Variants in ACTL7B observed in about 807,000 individuals in gnomAD.
The protein encoded by ACTL7B is actin like 7B.
In ACTL7B, 14 loss-of-function variants were observed where a neutral mutation model predicts 17.5. The observed-to-expected ratio is 0.80, with a 90% CI of 0.53 to 1.25. The LOEUF is 1.25. ACTL7B is among the 50% of genes most tolerant of loss of function. The pLI is 0.00. For missense variants in ACTL7B, 599 were observed against 573.9 expected, an observed-to-expected ratio of 1.04 and a Z score of -0.45; for synonymous variants, 267 against 252.4, an observed-to-expected ratio of 1.06 and a Z score of -0.55.
rs375788991 is a variant in ACTL7B at position 108,855,606 on chromosome 9, G to A, written c.325C>T (p.Leu109Phe). The change falls in exon 1 of 1, where the codon CTC (leucine) becomes TTC (phenylalanine). Residue 109 changes from leucine (L) to phenylalanine (F), a missense_variant. Leu to Phe is a conservative substitution (Grantham distance 22). Transcript: ENST00000374667. ...GHELLNTEAP[L>F]KLVNPLKHGI... Reference sequence around the variant, plus strand: ...TGCTTCAGCGGGTTCACCAGCTTGAGAGGCGCCTCCGTGTTGAGCAGCTCA... The same window carrying A: ...TGCTTCAGCGGGTTCACCAGCTTGAAAGGCGCCTCCGTGTTGAGCAGCTCA... 70 of 1,613,682 alleles carry A rather than the reference G, an allele frequency of 4.3e-5. 2 individuals are homozygous for A. The South Asian group carries it at 5.7e-4, about 13-fold the overall frequency.
rs759096914 is a variant in ACTL7B at position 108,854,624 on chromosome 9, T to A, written c.*59A>T. 6.5e-6 allele frequency: 9 copies of A among 1,392,668 alleles called. No individual in the cohort carries two copies. The highest frequency in any genetic ancestry group is 7.5e-6 in the Non-Finnish European group (8 of 1,065,414). The allele number at this position is 1,392,668 out of a possible 1,614,324, so 86.3% of individuals were successfully genotyped here. A position where few individuals can be genotyped will look rare whatever the true frequency, so the allele number is the denominator to read the frequency against. On this transcript the variant is annotated 3_prime_UTR_variant, in exon 1 of 1. Transcript: ENST00000374667. ...ACCTTTATGTGAAATTCTGTAAATG[T>A]GTATAGAGAGGCCTGTGGCCATCTG... is the stretch of plus-strand genomic sequence containing the variant.
Position 108,855,154 on chromosome 9 carries a change from G to T in ACTL7B, c.777C>A (p.Cys259Ter). 6.2e-7 allele frequency: 1 copy of T among 1,611,058 alleles called. No individual in the cohort carries two copies. Reference protein sequence around the residue: ...LHIIEHIKKKCCYAAFLPEEE... With the variant: ...LHIIEHIKKK ...CCTCGGGCAGGAAGGCCGCATAGCAGCACTTCTTCTTGATGTGCTCTATGA... is the reference window on the plus strand; with the variant it reads ...CCTCGGGCAGGAAGGCCGCATAGCATCACTTCTTCTTGATGTGCTCTATGA... The change falls in exon 1 of 1, where the codon TGC becomes TGA. Residue 259 changes from cysteine (C) to a stop codon, truncating the protein, a stop_gained. Coordinates refer to ENST00000374667, the MANE Select transcript of ACTL7B (RefSeq NM_006686.4). LOFTEE classifies it high-confidence loss of function.
In ACTL7B at chr9:108,855,138, G is replaced by C; in HGVS notation, c.793C>G (p.Leu265Val). The change falls in exon 1 of 1, where the codon CTG becomes GTG. Residue 265 changes from leucine to valine, a missense_variant. Leu to Val is a conservative substitution (Grantham distance 32). Transcript: ENST00000374667. ...ACCAGGCCCAGCTCCTCCTCGGGCA[G>C]GAAGGCCGCATAGCAGCACTTCTTC... ...IKKKCCYAAF[L>V]PEEELGLVPE... 1 of 1,611,088 alleles carries C rather than the reference G, an allele frequency of 6.2e-7. No homozygotes were observed. Among genetic ancestry groups the C allele is most frequent in the Non-Finnish European group, 8.5e-7 (1 of 1,178,994 alleles).
Position 108,854,775 on chromosome 9 carries a change from T to C in ACTL7B, c.1156A>G (p.Ile386Val). The change falls in exon 1 of 1, where the codon ATC (isoleucine) becomes GTC (valine). Residue 386 changes from isoleucine (I) to valine (V), a missense_variant. Coordinates refer to ENST00000374667, the MANE Select transcript of ACTL7B (RefSeq NM_006686.4). ...RKTSVWTGGS[I>V]LASLQAFQQL... ...TGGAAGGCCTGCAGGGAGGCCAGGA[T>C]GGAACCGCCGGTCCACACGGAGGTC... 8.1e-6 allele frequency: 13 copies of C among 1,599,012 alleles called. No individual in the cohort carries two copies. The highest frequency in any genetic ancestry group is 1.1e-5 in the Non-Finnish European group (13 of 1,171,800).
At position 108,854,901 on chromosome 9, in the gene ACTL7B, C is replaced by A; in HGVS notation, c.1030G>T (p.Gly344Cys). The A allele has an allele frequency of 6.6e-7, 1 of 1,520,084 alleles. No individual in the cohort carries two copies. The allele number at this position is 1,520,084 out of a possible 1,614,324, so 94.2% of individuals were successfully genotyped here. A position where few individuals can be genotyped will look rare whatever the true frequency, so the allele number is the denominator to read the frequency against. Residue 344 changes from glycine (G) to cysteine (C), a missense_variant, in exon 1 of 1, where the codon GGC (glycine) becomes TGC (cysteine). Physicochemically the swap from Gly to Cys is radical, Grantham distance 159 (BLOSUM62 -3). Transcript: ENST00000374667. ...GGGAAGCCATCCAGCATAGTGCAGC[C>A]GCCACACAGTAGCACGTTGGCGGCC... The part of the protein sequence containing the change: ...EMAANVLLCG[G>C]CTMLDGFPER...
At position 108,855,699 on chromosome 9, in the gene ACTL7B, TGGA is replaced by T. The variant is rs1827092591; in HGVS notation, c.229_231del (p.Ser77del). 1.2e-6 allele frequency: 2 copies of T among 1,610,876 alleles called. No individual in the cohort carries two copies. Among genetic ancestry groups the T allele is most frequent in the South Asian group, 1.1e-5 (1 of 91,072 alleles). On this transcript the variant is annotated inframe_deletion, in exon 1 of 1. Coordinates refer to ENST00000374667, the MANE Select transcript of ACTL7B (RefSeq NM_006686.4). Reference sequence around the variant, plus strand: ...GCCTCGGGGCAGCGTTTGCCCACGGTGGAGGAGATGAAGTAGGTGGGCCTCGGC... The same window carrying T: ...GCCTCGGGGCAGCGTTTGCCCACGGTGGAGATGAAGTAGGTGGGCCTCGGC...
At position 108,855,623 on chromosome 9, in the gene ACTL7B, A is replaced by C; in HGVS notation, c.308T>G (p.Leu103Arg). ...CAGCTTGAGAGGCGCCTCCGTGTTG[A>C]GCAGCTCATGGCCCACTAAAGTCCA... ...RKWTLVGHEL[L>R]NTEAPLKLVN... is the part of the protein sequence containing the mutation. The change falls in exon 1 of 1, where the codon CTC (leucine) becomes CGC (arginine). Residue 103 changes from leucine (L) to arginine (R), a missense_variant. Transcript: ENST00000374667. 1 of 1,613,746 alleles carries C rather than the reference A, an allele frequency of 6.2e-7. No individual in the cohort carries two copies. The highest frequency in any genetic ancestry group is 1.1e-5 in the South Asian group (1 of 91,090).
chr9:108,855,730 T>A lies in ACTL7B; in HGVS notation c.201A>T (p.Gly67=). Residue 67 remains glycine (G), a synonymous_variant, in exon 1 of 1, where the codon GGA becomes GGT. Coordinates refer to ENST00000374667, the MANE Select transcript of ACTL7B (RefSeq NM_006686.4). ...AGATGAAGTAGGTGGGCCTCGGCTC[T>A]CCCGCGTAGCCGCACTTGCAGTACT... is the stretch of plus-strand genomic sequence containing the variant. ...GSQYCKCGYA[G]EPRPTYFISS... The A allele has an allele frequency of 1.2e-6, 2 of 1,609,032 alleles. No individual in the cohort carries two copies. Among genetic ancestry groups the A allele is most frequent in the Non-Finnish European group, 1.7e-6 (2 of 1,179,956 alleles).
In ACTL7B at chr9:108,854,990, C is replaced by T; in HGVS notation, c.941G>A (p.Gly314Asp). 1 of 1,517,726 alleles carries T rather than the reference C, an allele frequency of 6.6e-7. No individual in the cohort carries two copies. The highest frequency in any genetic ancestry group is 8.8e-7 in the Non-Finnish European group (1 of 1,132,686). The allele number at this position is 1,517,726 out of a possible 1,614,324, so 94.0% of individuals were successfully genotyped here. A position where few individuals can be genotyped will look rare whatever the true frequency, so the allele number is the denominator to read the frequency against. Reference sequence around the variant, plus strand: ...GCAGGCAGCTGTGAGCTCCGGGAGGCCCGGCTGGGTGCTGCCTGCCAGGGA... The same window carrying T: ...GCAGGCAGCTGTGAGCTCCGGGAGGTCCGGCTGGGTGCTGCCTGCCAGGGA... Reference protein sequence around the residue: ...QPSLAGSTQPGLPELTAACLG... With the variant: ...QPSLAGSTQPDLPELTAACLG... Residue 314 changes from glycine to aspartate, a missense_variant, in exon 1 of 1, where the codon GGC becomes GAC. Transcript: ENST00000374667.
At position 108,855,739 on chromosome 9, in the gene ACTL7B, G is replaced by C; in HGVS notation, c.192C>G (p.Gly64=). ...AGGTGGGCCTCGGCTCTCCCGCGTAGCCGCACTTGCAGTACTGGGAGCCCA... is the reference window on the plus strand; with the variant it reads ...AGGTGGGCCTCGGCTCTCCCGCGTACCCGCACTTGCAGTACTGGGAGCCCA... ...IDLGSQYCKC[G]YAGEPRPTYF... Residue 64 remains glycine (G), a synonymous_variant, in exon 1 of 1, where the codon GGC becomes GGG. Transcript: ENST00000374667. 1.9e-6 allele frequency: 3 copies of C among 1,608,954 alleles called. No individual in the cohort carries two copies. The highest frequency in any genetic ancestry group is 2.5e-6 in the Non-Finnish European group (3 of 1,179,972).
At position 108,854,800 on chromosome 9, in the gene ACTL7B, C is replaced by A. The variant is rs902317740; in HGVS notation, c.1131G>T (p.Lys377Asn). 3 of 1,605,362 alleles carry A rather than the reference C, an allele frequency of 1.9e-6. No homozygotes were observed. In the African/African-American group the frequency reaches 4.0e-5, roughly 21 times the overall value. ...TGGAACCGCCGGTCCACACGGAGGT[C>A]TTCCTCTCAGGAGCGGCAGCCACTG... ...SPAVAAAPERKTSVWTGGSIL... is the reference protein window; with the variant it reads ...SPAVAAAPERNTSVWTGGSIL... Residue 377 changes from lysine (K) to asparagine (N), a missense_variant, in exon 1 of 1, where the codon AAG becomes AAT. By Grantham distance (94) the Lys-to-Asn change is moderately conservative. Transcript: ENST00000374667.
rs750564969 is a variant in ACTL7B at position 108,854,760 on chromosome 9, G to A, written c.1171C>T (p.Gln391Ter). Residue 391 changes from glutamine to a stop codon, truncating the protein, a stop_gained, in exon 1 of 1, where the codon CAG (glutamine) becomes TAG (stop). Coordinates refer to ENST00000374667, the MANE Select transcript of ACTL7B (RefSeq NM_006686.4). LOFTEE classifies it high-confidence loss of function. ...CTGACCCAGAGCTGTTGGAAGGCCT[G>A]CAGGGAGGCCAGGATGGAACCGCCG... The part of the protein sequence containing the change: ...WTGGSILASL[Q>*]AFQQLWVSKE... 2.0e-5 allele frequency: 32 copies of A among 1,585,642 alleles called. No individual in the cohort carries two copies. In the East Asian group the frequency reaches 7.0e-4, roughly 34 times the overall value.
chr9:108,855,373 G>A lies in ACTL7B; in HGVS notation c.558C>T (p.Ile186=), dbSNP rs755160989. 4 of 1,612,564 alleles carry A rather than the reference G, an allele frequency of 2.5e-6. No homozygotes were observed. The highest frequency in any genetic ancestry group is 2.7e-5 in the African/African-American group (2 of 74,958). The stretch of plus-strand genomic sequence containing the variant: ...GCCCCGAGGTCTTGCCGTAGGAGTA[G>A]ATGGACAGCAACGACTGGGACGTCA... ...MHVTSQSLLS[I]YSYGKTSGLV... Residue 186 remains isoleucine, a synonymous_variant, in exon 1 of 1, where the codon ATC becomes ATT. Transcript: ENST00000374667.
chr9:108,855,907 C>T lies in ACTL7B; in HGVS notation c.24G>A (p.Met8Ile). The change falls in exon 1 of 1, where the codon ATG becomes ATA. Residue 8 changes from methionine to isoleucine, a missense_variant. Coordinates refer to ENST00000374667, the MANE Select transcript of ACTL7B (RefSeq NM_006686.4). MATRNSP[M>I]PLGTAQGDPG... The stretch of plus-strand genomic sequence containing the variant: ...GGTCACCCTGAGCCGTGCCCAGGGG[C>T]ATGGGGCTGTTCCTTGTCGCCATCT... 1 of 1,598,384 alleles carries T rather than the reference C, an allele frequency of 6.3e-7. No individual in the cohort carries two copies. The highest frequency in any genetic ancestry group is 8.5e-7 in the Non-Finnish European group (1 of 1,173,542).
rs752240369 is a variant in ACTL7B, at chr9:108,855,234, GGTAGTTGGTGAGGTCACCCCCAGC to G, written c.673_696del (p.Ala225_Tyr232del). The G allele has an allele frequency of 1.3e-6, 2 of 1,595,352 alleles. No individual in the cohort carries two copies. Among genetic ancestry groups the G allele is most frequent in the Non-Finnish European group, 1.7e-6 (2 of 1,175,460 alleles). ...CCCGCCTCATTGAGCAGCTGCATCAGGTAGTTGGTGAGGTCACCCCCAGCGTAGTCGGCGCGGCTGGTCAGGCCC... is the reference window on the plus strand; with the variant it reads ...CCCGCCTCATTGAGCAGCTGCATCAGGTAGTCGGCGCGGCTGGTCAGGCCC... On this transcript the variant is annotated inframe_deletion, in exon 1 of 1. Coordinates refer to ENST00000374667, the MANE Select transcript of ACTL7B (RefSeq NM_006686.4).
chr9:108,854,607 G>T lies in ACTL7B; in HGVS notation c.*76C>A. 7.5e-7 allele frequency: 1 copy of T among 1,340,514 alleles called. No homozygotes were observed. Among genetic ancestry groups the T allele is most frequent in the Non-Finnish European group, 9.7e-7 (1 of 1,034,346 alleles). The allele number at this position is 1,340,514 out of a possible 1,614,324, so 83.0% of individuals were successfully genotyped here. A position where few individuals can be genotyped will look rare whatever the true frequency, so the allele number is the denominator to read the frequency against. Reference sequence around the variant, plus strand: ...GAGCCATTTCAGAGTAAACCTTTATGTGAAATTCTGTAAATGTGTATAGAG... The same window carrying T: ...GAGCCATTTCAGAGTAAACCTTTATTTGAAATTCTGTAAATGTGTATAGAG... On this transcript the variant is annotated 3_prime_UTR_variant, in exon 1 of 1. Coordinates refer to ENST00000374667, the MANE Select transcript of ACTL7B (RefSeq NM_006686.4).
rs761700135 is a variant in ACTL7B, at chr9:108,855,487, C to G, written c.444G>C (p.Leu148=). ...TGGGGCTGAGCGGAGGGTCGGAGACCAGCACAGCGTGCTCCTCGGGGAGGA... is the reference window on the plus strand; with the variant it reads ...TGGGGCTGAGCGGAGGGTCGGAGACGAGCACAGCGTGCTCCTCGGGGAGGA... ...MKILPEEHAV[L]VSDPPLSPSS... The change falls in exon 1 of 1, where the codon CTG becomes CTC. Residue 148 remains leucine (L), a synonymous_variant. Transcript: ENST00000374667. The G allele has an allele frequency of 7.4e-6, 12 of 1,613,456 alleles. No individual in the cohort carries two copies. In the South Asian group the frequency reaches 1.3e-4, roughly 18 times the overall value.
chr9:108,854,680 G>A lies in ACTL7B; in HGVS notation c.*3C>T. 6.7e-7 allele frequency: 1 copy of A among 1,494,394 alleles called. No individual in the cohort carries two copies. Among genetic ancestry groups the A allele is most frequent in the African/African-American group, 1.4e-5 (1 of 71,582 alleles). 92.6% of individuals were successfully genotyped at this position (1,494,394 alleles called of 1,614,324 possible). Reference sequence around the variant, plus strand: ...GAGGCCTTGTCTGTGGAAATGCCGAGGCTCAGCACTTGCTGTAGATGGCCA... The same window carrying A: ...GAGGCCTTGTCTGTGGAAATGCCGAAGCTCAGCACTTGCTGTAGATGGCCA... On this transcript the variant is annotated 3_prime_UTR_variant, in exon 1 of 1. Coordinates refer to ENST00000374667, the MANE Select transcript of ACTL7B (RefSeq NM_006686.4).
rs146150612 is a variant in ACTL7B at position 108,855,858 on chromosome 9, C to A, written c.73G>T (p.Gly25Cys). The change falls in exon 1 of 1, where the codon GGC (glycine) becomes TGC (cysteine). Residue 25 changes from glycine (G) to cysteine (C), a missense_variant. Transcript: ENST00000374667. ...GTGTCCCGGAGGCTGGCGTCAGGGC[C>A]GGGCCGTGTTCCTGCCTCTCCAGGG... ...GDPGEAGTRPGPDASLRDTGA... is the reference protein window; with the variant it reads ...GDPGEAGTRPCPDASLRDTGA... 142 of 1,610,902 alleles carry A rather than the reference C, an allele frequency of 8.8e-5. No homozygotes were observed. The African/African-American group carries it at 1.8e-3, about 20-fold the overall frequency.
Sources: allele counts gnomAD v4.1 joint callset, GRCh38; gene constraint gnomAD v4.1.1; transcripts MANE v1.5; gene names NCBI Gene and HGNC (gene_info 2026-07-23, HGNC 2026-07-21).